The following LRP1B variants were observed in gnomAD, a reference collection of about 807,000 sequenced individuals.
LRP1B encodes LDL receptor related protein 1B.
Under a neutral mutation model 556.6 loss-of-function variants are expected in LRP1B, and 217 were observed. The ratio of observed to expected loss-of-function variants is 0.39; its 90% CI spans 0.35 to 0.44. The LOEUF is 0.44. LRP1B is among the 20% of genes least tolerant of loss of function. The probability of loss-of-function intolerance (pLI) is 1.00; values close to 1 mark genes in which losing one functional copy is unlikely to be tolerated. For synonymous variants in LRP1B, 2,047 were observed against 1,865.8 expected (o/e 1.10, Z -2.50); for missense variants, 5,053 against 5,620.8 (o/e 0.90, Z 3.23).
chr2:140,430,586 G>A (rs887748579), intron 66 of LRP1B, among the ~76,000 whole-genome samples: 1 of 152,160 alleles, frequency 6.6e-6, no homozygotes, highest in African/African-American at 2.4e-5. Context: ...CCTTCACATC[G>A]GTCACTCCCA....
At chr2:142,027,129 C>T (rs535739928) in intron 1 of LRP1B, among the ~76,000 whole-genome samples, 3 of 152,008 alleles carry the variant, frequency 2.0e-5, no homozygotes, top group African/African-American at 4.8e-5. Context: ...CATTGTAAGT[C>T]GCATATATCT....
chr2:141,246,024 T>C (rs890107739), intron 5 of LRP1B, among the ~76,000 whole-genome samples: 1 of 152,196 alleles, frequency 6.6e-6, no homozygotes, highest in East Asian at 1.9e-4. Flanking sequence ...TCATAATGCT[T>C]ATATTATTCT....
intron 2 of LRP1B, among the ~76,000 whole-genome samples, chr2:141,691,465 A>ACACACACACACACACACACAC (rs1691526800): frequency 7.5e-6 from 1 of 133,180 alleles, no homozygotes; most frequent in Non-Finnish European, 1.6e-5. Flanking sequence ...GTAATCAGCC[A>ACACACACACACACACACACAC]ACACACACAC....
At chr2:141,563,662 AAG>A (rs1450927720) in intron 2 of LRP1B, among the ~76,000 whole-genome samples, 1 of 152,094 alleles carries the variant, frequency 6.6e-6, no homozygotes, top group African/African-American at 2.4e-5. Context: ...AAAAATAGGT[AAG>A]GAATAAAATG....
At chr2:140,302,114 T>C (rs1683857662) in intron 83 of LRP1B, among the ~76,000 whole-genome samples, 1 of 152,116 alleles carries the variant, frequency 6.6e-6, no homozygotes, top group Non-Finnish European at 1.5e-5. Context: ...TTCTCTTTTG[T>C]TTTCTGCCTG....
At chr2:141,019,209 C>T (rs1697996745) in intron 12 of LRP1B, among the ~76,000 whole-genome samples, 1 of 151,922 alleles carries the variant, frequency 6.6e-6, no homozygotes, top group Non-Finnish European at 1.5e-5. Flanking sequence ...AAGAATTGGA[C>T]AAAATATTTC....
At chr2:141,206,928 G>C (rs2105239944) in intron 6 of LRP1B, among the ~76,000 whole-genome samples, 1 of 152,270 alleles carries the variant, frequency 6.6e-6, no homozygotes, top group East Asian at 1.9e-4. Context: ...AGTAGTGTGT[G>C]TCATAACAAT....
chr2:141,325,190 C>A (rs968877467), intron 3 of LRP1B, among the ~76,000 whole-genome samples: 2 of 147,088 alleles, frequency 1.4e-5, no homozygotes, highest in African/African-American at 5.1e-5. Context: ...GCTAATACCA[C>A]AATCTGATGA....
At chr2:141,934,133 A>C (rs1327744214) in intron 1 of LRP1B, among the ~76,000 whole-genome samples, 1 of 152,160 alleles carries the variant, frequency 6.6e-6, no homozygotes, top group Non-Finnish European at 1.5e-5. Flanking sequence ...AGATATGAAA[A>C]ATATTGCTTT....
intron 2 of LRP1B, among the ~76,000 whole-genome samples, chr2:141,651,984 C>A (rs1043983851): frequency 1.3e-5 from 2 of 152,112 alleles, no homozygotes; most frequent in Non-Finnish European, 2.9e-5. Context: ...AATAGACCAG[C>A]ATTAAAATGG....
chr2:141,998,588 G>A (rs1384319040), intron 1 of LRP1B, among the ~76,000 whole-genome samples: 1 of 152,152 alleles, frequency 6.6e-6, no homozygotes, highest in East Asian at 1.9e-4. Flanking sequence ...CAAGGTAATG[G>A]ACGTGTCTAT....
rs529677225 is a variant in LRP1B, at chr2:141,507,549, G to C, written c.206-27016C>G. ...CTTTTCTATGCAGTCACGCAGTAAA[G>C]CTTTCAGTGAATTCTCTTCAGGAGA... On this transcript the variant is annotated intron_variant, in intron 2 of 90. Transcript: ENST00000389484. 5.1e-4 allele frequency among the ~76,000 whole-genome samples: 77 copies of C among 152,150 alleles called. 2 individuals carry two copies. In the South Asian group the frequency reaches 0.015, roughly 29 times the overall value.
chr2:140,747,438 T>G (rs410709), intron 35 of LRP1B, among the ~76,000 whole-genome samples: 140,951 of 152,182 alleles, frequency 0.93, 65,440 homozygotes, highest in Non-Finnish European at 0.96. Context: ...CATGAGTCCC[T>G]ACAGAGGGTC....
rs2105053143 is a variant in LRP1B at position 140,321,970 on chromosome 2, G to T, written c.12633C>A (p.Ser4211Arg). 6.2e-7 allele frequency: 1 copy of T among 1,612,392 alleles called. No individual in the cohort carries two copies. Among genetic ancestry groups the T allele is most frequent in the Non-Finnish European group, 8.5e-7 (1 of 1,179,012 alleles). Reference sequence around the variant, plus strand: ...ATAATAAAGTATACCCACCTAACAGGCTGTCATCATTGCAGGTGCCATTAA... The same window carrying T: ...ATAATAAAGTATACCCACCTAACAGTCTGTCATCATTGCAGGTGCCATTAA... ...YLINGTCNDD[S>R]LLDDSCKLTC... Residue 4211 changes from serine (S) to arginine (R), a missense_variant, in exon 82 of 91, where the codon AGC (serine) becomes AGA (arginine). Coordinates refer to ENST00000389484, the MANE Select transcript of LRP1B (RefSeq NM_018557.3).
At chr2:141,291,850 T>C (rs1226693749) in intron 3 of LRP1B, among the ~76,000 whole-genome samples, 1 of 64,398 alleles carries the variant, frequency 1.6e-5, no homozygotes, top group Non-Finnish European at 2.8e-5. Flanking sequence ...AGCGAGACTC[T>C]GTCTCAAAAA....
At chr2:140,964,775 T>A (rs915395095) in intron 18 of LRP1B, among the ~76,000 whole-genome samples, 3 of 152,174 alleles carry the variant, frequency 2.0e-5, no homozygotes, top group African/African-American at 7.2e-5. Flanking sequence ...TGTTTTATAT[T>A]TTATTATACT....
chr2:140,930,745 A>T (rs1695023570), intron 20 of LRP1B, among the ~76,000 whole-genome samples: 1 of 152,152 alleles, frequency 6.6e-6, no homozygotes, highest in Non-Finnish European at 1.5e-5. Flanking sequence ...GGATGTGCAC[A>T]GAGCTCCCCA....
At chr2:142,105,246 TAA>T (rs1035274881) in intron 1 of LRP1B, among the ~76,000 whole-genome samples, 9 of 152,208 alleles carry the variant, frequency 5.9e-5, no homozygotes, top group African/African-American at 1.9e-4. Flanking sequence ...TGAAAACCAT[TAA>T]AGAGTTTTAG....
intron 7 of LRP1B, among the ~76,000 whole-genome samples, chr2:141,112,071 T>TACATTATAAATAAATA (rs111423253): frequency 1.4e-5 from 2 of 145,754 alleles, no homozygotes; most frequent in African/African-American, 5.1e-5. Context: ...AATAAATAAA[T>TACATTATAAATAAATA]AATAAATAAA....
Sources: gnomAD v4.1 joint callset for allele counts (sites outside exome capture counted in the v4.1 genomes callset) on GRCh38, gnomAD v4.1.1 for gene constraint, MANE v1.5 for transcripts, NCBI Gene and HGNC (gene_info 2026-07-23, HGNC 2026-07-21) for gene names.